ADORA2A: variants seen among roughly 807,000 people sequenced by gnomAD.
The protein encoded by ADORA2A is adenosine A2a receptor.
ADORA2A carries 11 observed loss-of-function variants against 18.4 expected under a neutral mutation model. That is an observed-to-expected ratio of 0.60 (90% confidence interval 0.38 to 0.99). ADORA2A has a LOEUF of 0.99. ADORA2A is among the 50% of genes least tolerant of loss of function. The probability of loss-of-function intolerance (pLI) is 0.01; values close to 1 mark genes in which losing one functional copy is unlikely to be tolerated. For synonymous variants in ADORA2A, 218 were observed against 237.3 expected (o/e 0.92, Z 0.75); for missense variants, 449 against 556.1 (o/e 0.81, Z 1.94).
intron 1 of ADORA2A, chr22:24,429,233 G>A (rs918698036): frequency 1.3e-5 from 2 of 152,346 alleles, no homozygotes; most frequent in Non-Finnish European, 2.9e-5. Context: ...TTTAATTAAA[G>A]TGGCCAGGTT....
In ADORA2A at chr22:24,431,074, C is replaced by T. The variant is rs772563472; in HGVS notation, c.-274-2057C>T. On this transcript the variant is annotated intron_variant, in intron 1 of 2. Coordinates refer to ENST00000337539, the MANE Select transcript of ADORA2A (RefSeq NM_000675.6). The stretch of plus-strand genomic sequence containing the variant: ...GCTCAGGGAGAGAGGCCAAGAGCAT[C>T]AGGGATAACTGTGTTCCTTGAGTGT... The T allele has an allele frequency of 1.8e-5, 8 of 452,252 alleles. 1 individual carries two copies. The highest frequency in any genetic ancestry group is 1.2e-4 in the South Asian group (8 of 64,158). The allele number at this position is 452,252 out of a possible 1,614,324, so 28.0% of individuals were successfully genotyped here. A position where few individuals can be genotyped will look rare whatever the true frequency, so the allele number is the denominator to read the frequency against.
At chr22:24,429,473 G>A (rs1185105958) in intron 1 of ADORA2A, 1 of 152,252 alleles carries the variant, frequency 6.6e-6, no homozygotes, top group Non-Finnish European at 1.5e-5. Context: ...GATGACTCAA[G>A]GAGTAATTAG....
intron 2 of ADORA2A, among the ~76,000 whole-genome samples, chr22:24,437,978 AG>A (rs1388950034): frequency 1.3e-5 from 2 of 152,270 alleles, no homozygotes; most frequent in African/African-American, 4.8e-5. Context: ...TTTGCTGCTG[AG>A]AACAGTTTGA....
chr22:24,433,848 G>T, intron 2 of ADORA2A, 112 bp downstream of exon 2: 1 of 1,308,794 alleles, frequency 7.6e-7, no homozygotes, highest in South Asian at 1.4e-5. Context: ...GTGTCAGCAT[G>T]GTGAGCTGGC....
At chr22:24,424,857 C>T (rs1246829712), upstream of ADORA2A, among the ~76,000 whole-genome samples, 4 of 151,522 alleles carry the variant, frequency 2.6e-5, no homozygotes, top group Non-Finnish European at 5.9e-5. This position sits in a 1 kb window ranked among gnomAD's most constrained non-coding sequence, Gnocchi z 4.9. Context: ...AGCTGAGGTC[C>T]CTGTGTCCCG....
upstream of ADORA2A, chr22:24,424,374 AGTCCGTCCGTCC>A (rs143744701): frequency 1.3e-5 from 2 of 152,162 alleles, no homozygotes; most frequent in Admixed American, 1.3e-4. The surrounding 1 kb of genome is among the most constrained non-coding windows in gnomAD (Gnocchi z 4.9). Flanking sequence ...TCCGTCCGTC[AGTCCGTCCGTCC>A]GTCCATGCGC....
intron 2 of ADORA2A, among the ~76,000 whole-genome samples, chr22:24,437,907 A>C (rs2043218987): frequency 6.6e-6 from 1 of 152,270 alleles, no homozygotes; most frequent in African/African-American, 2.4e-5. Flanking sequence ...ACATTTAATA[A>C]GCCCCTTCCC....
chr22:24,433,086 G>A (rs1184786903), intron 1 of ADORA2A, 45 bp from the exon 2 acceptor site: 7 of 467,714 alleles, frequency 1.5e-5, no homozygotes, highest in South Asian at 2.5e-5. Flanking sequence ...CGCAGGGCTC[G>A]CCCTCTGCAG....
intron 1 of ADORA2A, chr22:24,431,213 C>G: frequency 2.2e-6 from 1 of 456,752 alleles, no homozygotes; most frequent in Non-Finnish European, 4.4e-6. Context: ...AGGACTCGGC[C>G]CTCTCCAGCT....
chr22:24,434,685 G>A (rs2043130853), intron 2 of ADORA2A, among the ~76,000 whole-genome samples: 1 of 152,210 alleles, frequency 6.6e-6, no homozygotes, highest in African/African-American at 2.4e-5. Context: ...CATCTCTGCG[G>A]TGAATTATCT....
Position 24,433,752 on chromosome 22 carries a change from G to A in ADORA2A, c.332+16G>A, listed in dbSNP as rs1376986097. On this transcript the variant is annotated intron_variant, in intron 2 of 2. Transcript: ENST00000337539. ...TCCCGCTCCGGTGAGCAGGGCCGGG[G>A]TTACATCTGTGCAAAGGCTGTTGGT... 6.3e-7 allele frequency: 1 copy of A among 1,597,342 alleles called. No homozygotes were observed. Among genetic ancestry groups the A allele is most frequent in the Non-Finnish European group, 8.5e-7 (1 of 1,177,062 alleles).
Position 24,433,318 on chromosome 22 carries a change from G to A in ADORA2A, c.-87G>A, listed in dbSNP as rs1269234547. On this transcript the variant is annotated 5_prime_UTR_variant, in exon 2 of 3. Coordinates refer to ENST00000337539, the MANE Select transcript of ADORA2A (RefSeq NM_000675.6). ...GGGCCCCTCCGCCTGGGCCGGGCTGGGAGCCAGGCGGGCGGCTGGGCTGCA... is the reference window on the plus strand; with the variant it reads ...GGGCCCCTCCGCCTGGGCCGGGCTGAGAGCCAGGCGGGCGGCTGGGCTGCA... 6 of 1,344,532 alleles carry A rather than the reference G, an allele frequency of 4.5e-6. No homozygotes were observed. The African/African-American group carries it at 7.3e-5, about 16-fold the overall frequency. The allele number at this position is 1,344,532 out of a possible 1,614,324, so 83.3% of individuals were successfully genotyped here.
Position 24,440,830 on chromosome 22 carries a change from C to T in ADORA2A, c.580C>T (p.Leu194=), listed in dbSNP as rs1190222784. Residue 194 remains leucine, a synonymous_variant, in exon 3 of 3, where the codon CTG becomes TTG. Coordinates refer to ENST00000337539, the MANE Select transcript of ADORA2A (RefSeq NM_000675.6). ...ACVLVPLLLM[L]GVYLRIFLAA... is the part of the protein sequence containing the mutation. ...TGTGCTGGTGCCCCTGCTGCTCATG[C>T]TGGGTGTCTATTTGCGGATCTTCCT... The T allele has an allele frequency of 6.2e-7, 1 of 1,614,166 alleles. No individual in the cohort carries two copies. The highest frequency in any genetic ancestry group is 8.5e-7 in the Non-Finnish European group (1 of 1,180,034).
intron 1 of ADORA2A, chr22:24,432,546 G>C (rs1365877925): frequency 6.6e-6 from 1 of 152,402 alleles, no homozygotes; most frequent in Non-Finnish European, 1.5e-5. Flanking sequence ...TGGCCAAGCT[G>C]CCACAGGAGG....
At position 24,441,433 on chromosome 22, in the gene ADORA2A, C is replaced by T. The variant is rs1170753144; in HGVS notation, c.1183C>T (p.Pro395Ser). 2 of 1,526,388 alleles carry T rather than the reference C, an allele frequency of 1.3e-6. No individual in the cohort carries two copies. Among genetic ancestry groups the T allele is most frequent in the Non-Finnish European group, 1.8e-6 (2 of 1,139,586 alleles). The allele number at this position is 1,526,388 out of a possible 1,614,324, so 94.6% of individuals were successfully genotyped here. The change falls in exon 3 of 3, where the codon CCA becomes TCA. Residue 395 changes from proline to serine, a missense_variant. Transcript: ENST00000337539. ...LLSHELKGVC[P>S]EPPGLDDPLA... is the part of the protein sequence containing the mutation. ...TAGCCATGAGCTCAAGGGAGTGTGC[C>T]CAGAGCCCCCTGGCCTAGATGACCC...
At position 24,436,415 on chromosome 22, in the gene ADORA2A, A is replaced by G. The variant is rs75577210; in HGVS notation, c.332+2679A>G. Among the ~76,000 whole-genome samples, 897 of 152,264 alleles carry G rather than the reference A, an allele frequency of 5.9e-3. 2 individuals carry two copies. Among genetic ancestry groups the G allele is most frequent in the Non-Finnish European group, 9.5e-3 (645 of 68,002 alleles). On this transcript the variant is annotated intron_variant, in intron 2 of 2. Coordinates refer to ENST00000337539, the MANE Select transcript of ADORA2A (RefSeq NM_000675.6). Reference sequence around the variant, plus strand: ...CTCTCCATTAACTTTTTTTTTAAAAAAAAGAACTCAGTTTTGGAAAAATCT... The same window carrying G: ...CTCTCCATTAACTTTTTTTTTAAAAGAAAGAACTCAGTTTTGGAAAAATCT...
In ADORA2A at chr22:24,433,233, C is replaced by T; in HGVS notation, c.-172C>T. Reference sequence around the variant, plus strand: ...ACTCAGAGTCCTCTGTGAAAAAGCCCTTGGAGAGCGCCCCAGCAGGGCTGC... The same window carrying T: ...ACTCAGAGTCCTCTGTGAAAAAGCCTTTGGAGAGCGCCCCAGCAGGGCTGC... On this transcript the variant is annotated 5_prime_UTR_variant, in exon 2 of 3. Coordinates refer to ENST00000337539, the MANE Select transcript of ADORA2A (RefSeq NM_000675.6). 1.6e-6 allele frequency: 1 copy of T among 640,528 alleles called. No homozygotes were observed. The highest frequency in any genetic ancestry group is 2.7e-6 in the Non-Finnish European group (1 of 373,578). 39.7% of individuals were successfully genotyped at this position (640,528 alleles called of 1,614,324 possible).
At chr22:24,440,483 G>A (rs1195359422) in intron 2 of ADORA2A, 100 bp from the exon 3 acceptor site, 2 of 1,221,934 alleles carry the variant, frequency 1.6e-6, no homozygotes, top group East Asian at 2.3e-5. Context: ...AGACCTTACA[G>A]TCAGGAAATG....
chr22:24,434,747 C>G (rs1477789420), intron 2 of ADORA2A, among the ~76,000 whole-genome samples: 4 of 152,158 alleles, frequency 2.6e-5, no homozygotes, highest in Non-Finnish European at 5.9e-5. Context: ...TTGAGGGTGC[C>G]CCAGCAGGAA....
Sources: gnomAD v4.1 joint callset for allele counts (sites outside exome capture counted in the v4.1 genomes callset) on GRCh38, gnomAD v4.1.1 for gene constraint, Gnocchi (gnomAD v3.1) non-coding constraint, MANE v1.5 for transcripts, NCBI Gene and HGNC (gene_info 2026-07-23, HGNC 2026-07-21) for gene names.